MMP16: variants seen among roughly 807,000 people sequenced by gnomAD.
MMP16 encodes matrix metallopeptidase 16.
MMP16 carries 12 observed loss-of-function variants against 67.8 expected under a neutral mutation model. The ratio of observed to expected loss-of-function variants is 0.18; its 90% CI spans 0.11 to 0.29. MMP16 has a LOEUF of 0.29. MMP16 is among the 10% of genes least tolerant of loss of function. The probability of loss-of-function intolerance (pLI) is 1.00; values close to 1 mark genes in which losing one functional copy is unlikely to be tolerated. For synonymous variants in MMP16, 249 were observed against 255.9 expected (o/e 0.97, Z 0.26); for missense variants, 475 against 765.7 (o/e 0.62, Z 4.48).
chr8:88,100,966 G>A (rs1024873283), intron 6 of MMP16, among the ~76,000 whole-genome samples: 21 of 146,116 alleles, frequency 1.4e-4, no homozygotes, highest in African/African-American at 4.8e-4. Context: ...ATCACACACC[G>A]GGGCCTGTTG....
intron 1 of MMP16, among the ~76,000 whole-genome samples, chr8:88,304,389 G>A (rs531614434): frequency 3.9e-5 from 6 of 152,276 alleles, no homozygotes; most frequent in African/African-American, 1.4e-4. Flanking sequence ...TATCATCCAG[G>A]AGAACTTCCT....
At chr8:88,046,904 C>T in intron 8 of MMP16, 120 bp from the exon 9 acceptor site, 1 of 530,230 alleles carries the variant, frequency 1.9e-6, no homozygotes, top group South Asian at 3.0e-5. Context: ...ACTTTGTTAC[C>T]TGTGCACCTG....
chr8:88,074,536 G>A (rs1176105730), intron 7 of MMP16, 69 bp downstream of exon 7: 7 of 1,401,138 alleles, frequency 5.0e-6, no homozygotes, highest in Non-Finnish European at 6.8e-6. Context: ...CATCACTTTT[G>A]TGTGCACCAC....
chr8:88,263,056 A>T (rs1024696818), intron 1 of MMP16, among the ~76,000 whole-genome samples: 1 of 130,362 alleles, frequency 7.7e-6, no homozygotes, highest in South Asian at 2.5e-4. Context: ...ATAAAATAAA[A>T]AAAGTTTTTT....
chr8:88,192,378 T>C (rs2129769625), intron 2 of MMP16, among the ~76,000 whole-genome samples: 1 of 152,258 alleles, frequency 6.6e-6, no homozygotes, highest in South Asian at 2.1e-4. Context: ...AGAACAAAAC[T>C]GTATTAAGCC....
chr8:88,137,780 C>T (rs1386088968), intron 4 of MMP16, among the ~76,000 whole-genome samples: 1 of 151,832 alleles, frequency 6.6e-6, no homozygotes, highest in Non-Finnish European at 1.5e-5. Context: ...TGCGCTCCCT[C>T]TCTTCTGTCT....
intron 1 of MMP16, among the ~76,000 whole-genome samples, chr8:88,260,896 G>A (rs541416200): frequency 2.0e-5 from 3 of 152,066 alleles, no homozygotes; most frequent in Middle Eastern, 6.8e-3. Context: ...TGTTTCCATT[G>A]GATAAGCATT....
chr8:88,309,652 CT>C (rs1811266225), intron 1 of MMP16, among the ~76,000 whole-genome samples: 1 of 152,028 alleles, frequency 6.6e-6, no homozygotes, highest in African/African-American at 2.4e-5. Flanking sequence ...GAAAAACGGA[CT>C]GTTTAATATT....
chr8:88,166,862 C>A (rs368693125), intron 4 of MMP16, among the ~76,000 whole-genome samples: 3 of 151,180 alleles, frequency 2.0e-5, no homozygotes, highest in Admixed American at 6.6e-5. Flanking sequence ...TGAGCCACTG[C>A]GCCCAGCCTG....
chr8:88,280,702 G>A (rs960161192), intron 1 of MMP16, among the ~76,000 whole-genome samples: 16 of 152,094 alleles, frequency 1.1e-4, no homozygotes, highest in Non-Finnish European at 5.9e-5. Flanking sequence ...ACCAGCATGG[G>A]CAACATGCCT....
rs577377781 is a variant in MMP16, at chr8:88,223,683, G to T, written c.133-26377C>A. Among the ~76,000 whole-genome samples, 39 of 117,212 alleles carry T rather than the reference G, an allele frequency of 3.3e-4. 1 individual carries two copies. In the Admixed American group the frequency reaches 4.4e-3, roughly 13 times the overall value. The allele number at this position is 117,212 out of a possible 152,430, so 76.9% of individuals were successfully genotyped here. A position where few individuals can be genotyped will look rare whatever the true frequency, so the allele number is the denominator to read the frequency against. On this transcript the variant is annotated intron_variant, in intron 1 of 9. Coordinates refer to ENST00000286614, the MANE Select transcript of MMP16 (RefSeq NM_005941.5). ...CAGGGTGCAGAACATCACACACTGG[G>T]CCTGTCATGGGGTGGGGGGAGGGGG...
Position 88,136,424 on chromosome 8 carries a change from T to C in MMP16, c.710-17563A>G, listed in dbSNP as rs1290178139. Among the ~76,000 whole-genome samples, 3 of 151,800 alleles carry C rather than the reference T, an allele frequency of 2.0e-5. No individual in the cohort carries two copies. The Admixed American group carries it at 2.0e-4, about 10-fold the overall frequency. Reference sequence around the variant, plus strand: ...TACATACTATAAAACTGCACAAATCTTAAGTGTACAGGTCAGTTGATCATC... The same window carrying C: ...TACATACTATAAAACTGCACAAATCCTAAGTGTACAGGTCAGTTGATCATC... On this transcript the variant is annotated intron_variant, in intron 4 of 9. Transcript: ENST00000286614.
intron 1 of MMP16, among the ~76,000 whole-genome samples, chr8:88,205,203 G>T (rs1373222246): frequency 2.6e-5 from 4 of 152,094 alleles, no homozygotes; most frequent in Admixed American, 6.6e-5. Flanking sequence ...CTTGCTCAAG[G>T]ACACATCAAT....
chr8:88,231,485 A>G (rs1045981589), intron 1 of MMP16, among the ~76,000 whole-genome samples: 1 of 152,184 alleles, frequency 6.6e-6, no homozygotes, highest in Non-Finnish European at 1.5e-5. Flanking sequence ...TAAGGTGCTG[A>G]CGAGGACCTA....
At chr8:88,094,542 A>G (rs1808994058) in intron 6 of MMP16, among the ~76,000 whole-genome samples, 1 of 151,516 alleles carries the variant, frequency 6.6e-6, no homozygotes, top group Admixed American at 6.6e-5. Flanking sequence ...TGTTCTGTCT[A>G]GTCTTTAGTT....
intron 9 of MMP16, among the ~76,000 whole-genome samples, chr8:88,044,370 T>G (rs760434725): frequency 6.6e-6 from 1 of 152,214 alleles, no homozygotes; most frequent in Non-Finnish European, 1.5e-5. Flanking sequence ...TGAAAGGAAG[T>G]AGCCTAAAAT....
chr8:88,034,740 T>C lies in MMP16; in HGVS notation c.*6721A>G, dbSNP rs774001804. Reference sequence around the variant, plus strand: ...AGGAAACAGGTTCAAATTGGCATTATGTAACGGCAAATGAAACATGCATCC... The same window carrying C: ...AGGAAACAGGTTCAAATTGGCATTACGTAACGGCAAATGAAACATGCATCC... On this transcript the variant is annotated 3_prime_UTR_variant, in exon 10 of 10. Transcript: ENST00000286614. The C allele has an allele frequency of 2.6e-5, 4 of 152,034 alleles. No homozygotes were observed. The highest frequency in any genetic ancestry group is 9.7e-5 in the African/African-American group (4 of 41,432). The allele number at this position is 152,034 out of a possible 1,614,324, so 9.4% of individuals were successfully genotyped here. A position where few individuals can be genotyped will look rare whatever the true frequency, so the allele number is the denominator to read the frequency against.
intron 1 of MMP16, among the ~76,000 whole-genome samples, chr8:88,249,867 G>C (rs1181162726): frequency 6.6e-6 from 1 of 152,026 alleles, no homozygotes; most frequent in Non-Finnish European, 1.5e-5. Flanking sequence ...AAGCAAGAGG[G>C]CCCAACTGGG....
intron 1 of MMP16, among the ~76,000 whole-genome samples, chr8:88,301,141 A>G (rs1030719501): frequency 5.3e-5 from 8 of 152,216 alleles, no homozygotes; most frequent in Admixed American, 5.2e-4. Flanking sequence ...AATGAGAATT[A>G]TCTCTCATAA....
Sources: allele counts gnomAD v4.1 joint callset (sites outside exome capture counted in the v4.1 genomes callset), GRCh38; gene constraint gnomAD v4.1.1; transcripts MANE v1.5; gene names NCBI Gene and HGNC (gene_info 2026-07-23, HGNC 2026-07-21).